The following GMDS variants were observed in gnomAD, a reference collection of about 807,000 sequenced individuals.
GMDS encodes the protein GDP-mannose 4,6 dehydratase.
Under a neutral mutation model 49.9 loss-of-function variants are expected in GMDS, and 20 were observed. That is an observed-to-expected ratio of 0.40 (90% CI 0.28 to 0.58). The LOEUF is 0.58. Ranked by LOEUF, GMDS falls within the 20% of genes least tolerant of loss-of-function variation. The pLI, the probability that GMDS is intolerant of heterozygous loss-of-function variation, is 0.42. For synonymous variants in GMDS, 177 were observed against 178.6 expected (o/e 0.99, Z 0.07); for missense variants, 362 against 481.4 (o/e 0.75, Z 2.32).
chr6:2,192,217 C>T (rs1270068405), intron 1 of GMDS, among the ~76,000 whole-genome samples: 3 of 152,154 alleles, frequency 2.0e-5, no homozygotes, highest in African/African-American at 7.2e-5. Flanking sequence ...GGATGACCAG[C>T]TGCAGAGAGG....
At chr6:1,665,744 T>C (rs1307863265) in intron 9 of GMDS, among the ~76,000 whole-genome samples, 1 of 151,892 alleles carries the variant, frequency 6.6e-6, no homozygotes, top group Non-Finnish European at 1.5e-5. Flanking sequence ...TGAAGGAGGA[T>C]ACACGTGTGC....
chr6:1,625,210 C>A (rs3201892), intron 9 of GMDS: 52,635 of 152,096 alleles, frequency 0.35, 12,549 homozygotes, highest in African/African-American at 0.66. Context: ...TACCCACAGT[C>A]AAGTCAGTTC....
rs980168919 is a variant in GMDS, at chr6:1,937,224, A to G, written c.644-6994T>C. Among the ~76,000 whole-genome samples, 3 of 152,198 alleles carry G rather than the reference A, an allele frequency of 2.0e-5. No individual in the cohort carries two copies. The South Asian group carries it at 6.2e-4, about 31-fold the overall frequency. On this transcript the variant is annotated intron_variant, in intron 6 of 10. Coordinates refer to ENST00000380815, the MANE Select transcript of GMDS (RefSeq NM_001500.4). ...ACACAATGACACTGCCTAATGATGC[A>G]TTTCTCAGAACAAATCCCTGTGGTT... is the stretch of plus-strand genomic sequence containing the variant.
rs575112155 is a variant in GMDS at position 2,003,577 on chromosome 6, A to G, written c.346-42611T>C. Among the ~76,000 whole-genome samples the G allele has an allele frequency of 3.3e-5, 5 of 152,318 alleles. No individual in the cohort carries two copies. The South Asian group carries it at 1.0e-3, about 32-fold the overall frequency. ...AAATTCCAAAGGGATTACCTAGAGTAAGACTTGCTACGACTGAAGAGCTGC... is the reference window on the plus strand; with the variant it reads ...AAATTCCAAAGGGATTACCTAGAGTGAGACTTGCTACGACTGAAGAGCTGC... On this transcript the variant is annotated intron_variant, in intron 4 of 10. Coordinates refer to ENST00000380815, the MANE Select transcript of GMDS (RefSeq NM_001500.4).
At chr6:2,197,507 G>A (rs1415071579) in intron 1 of GMDS, among the ~76,000 whole-genome samples, 2 of 152,192 alleles carry the variant, frequency 1.3e-5, no homozygotes, top group African/African-American at 4.8e-5. Context: ...ACCACGTCAA[G>A]GGCCAGGTCT....
intron 7 of GMDS, among the ~76,000 whole-genome samples, chr6:1,811,709 C>T (rs975318584): frequency 2.0e-5 from 3 of 152,148 alleles, no homozygotes; most frequent in African/African-American, 7.2e-5. Flanking sequence ...TGCTCATCCT[C>T]CACTGCCACT....
intron 4 of GMDS, among the ~76,000 whole-genome samples, chr6:1,998,329 G>C (rs542330126): frequency 6.6e-6 from 1 of 152,124 alleles, no homozygotes; most frequent in African/African-American, 2.4e-5. Flanking sequence ...ACTCCTGGTA[G>C]AGTTTCTAAA....
intron 8 of GMDS, among the ~76,000 whole-genome samples, chr6:1,731,405 T>C (rs1463984588): frequency 6.6e-6 from 1 of 152,198 alleles, no homozygotes; most frequent in Non-Finnish European, 1.5e-5. Context: ...CGAATGGGTC[T>C]AGACCCACCT....
chr6:1,847,526 C>T (rs1757464053), intron 7 of GMDS, among the ~76,000 whole-genome samples: 1 of 152,186 alleles, frequency 6.6e-6, no homozygotes. Flanking sequence ...TAATTCCATT[C>T]CCTAAGTTCC....
At chr6:1,920,703 T>A (rs1278555937) in intron 7 of GMDS, among the ~76,000 whole-genome samples, 1 of 152,172 alleles carries the variant, frequency 6.6e-6, no homozygotes, top group African/African-American at 2.4e-5. Context: ...ATTTTCAGAT[T>A]TTCCAGACTT....
At position 1,703,389 on chromosome 6, in the gene GMDS, TG is replaced by T. The variant is rs574355740; in HGVS notation, c.987+23026del. On this transcript the variant is annotated intron_variant, in intron 9 of 10. Transcript: ENST00000380815. ...TCTTATCTCCAGTTCCACCCGAAAG[TG>T]GTAACACAGCATATCCAAACATGCC... Among the ~76,000 whole-genome samples, 595 of 151,930 alleles carry T rather than the reference TG, an allele frequency of 3.9e-3. 2 individuals are homozygous for T. Among genetic ancestry groups the T allele is most frequent in the African/African-American group, 0.014 (566 of 41,414 alleles).
intron 4 of GMDS, among the ~76,000 whole-genome samples, chr6:2,061,586 G>A (rs180920926): frequency 6.6e-6 from 1 of 151,878 alleles, no homozygotes; most frequent in Non-Finnish European, 1.5e-5. Flanking sequence ...GGGCATGGTG[G>A]TGCACGCTTG....
At chr6:2,070,730 C>T (rs913784285) in intron 4 of GMDS, among the ~76,000 whole-genome samples, 3 of 152,128 alleles carry the variant, frequency 2.0e-5, no homozygotes, top group Non-Finnish European at 4.4e-5. Context: ...GGTCCCAGGA[C>T]GTCCTCACCC....
intron 7 of GMDS, among the ~76,000 whole-genome samples, chr6:1,829,692 G>A (rs1358364756): frequency 1.3e-5 from 2 of 152,160 alleles, no homozygotes; most frequent in African/African-American, 2.4e-5. Context: ...CACCCTCCTC[G>A]GCCTCCCAAA....
intron 4 of GMDS, among the ~76,000 whole-genome samples, chr6:2,053,095 AT>A: frequency 6.6e-6 from 1 of 152,230 alleles, no homozygotes; most frequent in African/African-American, 2.4e-5. Context: ...CCCAAATTGT[AT>A]AATCTACACA....
rs537090447 is a variant in GMDS, at chr6:1,937,012, A to G, written c.644-6782T>C. Among the ~76,000 whole-genome samples the G allele has an allele frequency of 1.1e-4, 17 of 151,710 alleles. No homozygotes were observed. The East Asian group carries it at 3.1e-3, about 28-fold the overall frequency. On this transcript the variant is annotated intron_variant, in intron 6 of 10. Coordinates refer to ENST00000380815, the MANE Select transcript of GMDS (RefSeq NM_001500.4). ...TACAATAGAGCTGCCCAATACAGGC[A>G]TATCTTTTGTCCTTTATATGGTATT...
chr6:1,801,007 C>T (rs1394230200), intron 7 of GMDS, among the ~76,000 whole-genome samples: 2 of 152,144 alleles, frequency 1.3e-5, no homozygotes, highest in African/African-American at 4.8e-5. Flanking sequence ...TGTGACAGAT[C>T]TCTGCAGCAG....
At chr6:2,220,705 T>C (rs1780545920) in intron 1 of GMDS, among the ~76,000 whole-genome samples, 1 of 152,272 alleles carries the variant, frequency 6.6e-6, no homozygotes, top group African/African-American at 2.4e-5. Context: ...ATGTTTAAAC[T>C]TGGGTCCCAC....
intron 7 of GMDS, among the ~76,000 whole-genome samples, chr6:1,820,202 G>A (rs149258654): frequency 4.7e-4 from 72 of 152,186 alleles, no homozygotes; most frequent in African/African-American, 1.6e-3. Flanking sequence ...AGGGTAGTTA[G>A]CTGCTACTCA....
Sources: gnomAD v4.1 joint callset for allele counts (sites outside exome capture counted in the v4.1 genomes callset) on GRCh38, gnomAD v4.1.1 for gene constraint, MANE v1.5 for transcripts, NCBI Gene and HGNC (gene_info 2026-07-23, HGNC 2026-07-21) for gene names.